Variants in MTFR1 observed in about 807,000 individuals in gnomAD.
MTFR1 encodes mitochondrial fission regulator 1.
In MTFR1, 28 loss-of-function variants were observed where a neutral mutation model predicts 38.8. That is an observed-to-expected ratio of 0.72 (90% CI 0.53 to 0.99). The LOEUF (loss-of-function observed/expected upper bound fraction) is 0.99. MTFR1 is among the 50% of genes least tolerant of loss of function. MTFR1 has a pLI of 0.00. For synonymous variants in MTFR1, 145 were observed against 137.0 expected, an observed-to-expected ratio of 1.06 and a Z score of -0.41; for missense variants, 358 against 395.5, an observed-to-expected ratio of 0.91 and a Z score of 0.81.
chr8:65,732,013 A>G (rs1307410942), intron 3 of MTFR1, among the ~76,000 whole-genome samples: 2 of 150,518 alleles, frequency 1.3e-5, no homozygotes, highest in East Asian at 1.9e-4. Context: ...TGTTGTTGTT[A>G]TTTTAGACTG....
intron 3 of MTFR1, among the ~76,000 whole-genome samples, chr8:65,762,673 G>A (rs1057171329): frequency 6.6e-6 from 1 of 152,086 alleles, no homozygotes; most frequent in South Asian, 2.1e-4. Context: ...AATAGACATG[G>A]TCATTATTAT....
intron 4 of MTFR1, among the ~76,000 whole-genome samples, chr8:65,698,692 C>G (rs1805519615): frequency 6.6e-6 from 1 of 151,518 alleles, no homozygotes; most frequent in South Asian, 2.1e-4. Flanking sequence ...TGATCCTCAC[C>G]TTCTACTCTC....
chr8:65,742,196 A>G (rs1056125550), intron 3 of MTFR1, among the ~76,000 whole-genome samples: 1 of 152,276 alleles, frequency 6.6e-6, no homozygotes, highest in African/African-American at 2.4e-5. Context: ...ACATAAAAAT[A>G]TATCAAAAGA....
Position 65,709,004 on chromosome 8 carries a change from G to A in MTFR1, c.962G>A (p.Gly321Glu). 4 of 1,613,932 alleles carry A rather than the reference G, an allele frequency of 2.5e-6. No homozygotes were observed. Among genetic ancestry groups the A allele is most frequent in the Non-Finnish European group, 3.4e-6 (4 of 1,179,872 alleles). The change falls in exon 8 of 8, where the codon GGA (glycine) becomes GAA (glutamate). Residue 321 changes from glycine to glutamate, a missense_variant. By Grantham distance (98) the Gly-to-Glu change is moderately conservative. Coordinates refer to ENST00000262146, the MANE Select transcript of MTFR1 (RefSeq NM_014637.4). ...GGGCCACACATGTTGAAGCCAACAG[G>A]AAAAATGAAGGCTTTAATTGAAAAT... ...LFGPHMLKPT[G>E]KMKALIENVS...
At chr8:65,753,183 C>T (rs956334667) in intron 3 of MTFR1, among the ~76,000 whole-genome samples, 1 of 152,180 alleles carries the variant, frequency 6.6e-6, no homozygotes, top group Admixed American at 6.5e-5. Flanking sequence ...CACTGTTTTA[C>T]TTAAATTATC....
intron 5 of MTFR1, among the ~76,000 whole-genome samples, chr8:65,705,724 A>G (rs1405903521): frequency 1.3e-5 from 2 of 152,216 alleles, no homozygotes; most frequent in African/African-American, 4.8e-5. Context: ...AATAGTACCT[A>G]TGTTACTGAG....
chr8:65,775,678 A>C (rs1265227902), downstream of MTFR1, among the ~76,000 whole-genome samples: 1 of 152,136 alleles, frequency 6.6e-6, no homozygotes, highest in Non-Finnish European at 1.5e-5. Context: ...CCAAGGCTTG[A>C]GTGAAGTGGT....
At chr8:65,757,186 G>C (rs1002461716) in intron 3 of MTFR1, among the ~76,000 whole-genome samples, 6 of 152,242 alleles carry the variant, frequency 3.9e-5, no homozygotes, top group Non-Finnish European at 5.9e-5. Flanking sequence ...GCAGACATTA[G>C]AGTCCTGCCT....
At chr8:65,770,850 G>A (rs1554564112) in intron 3 of MTFR1, 1 of 156,364 alleles carries the variant, frequency 6.4e-6, no homozygotes, top group Non-Finnish European at 1.4e-5. Flanking sequence ...AATTTGATAG[G>A]AATTTGTTTA....
chr8:65,655,687 A>C (rs1809234607), intron 1 of MTFR1, among the ~76,000 whole-genome samples: 1 of 151,742 alleles, frequency 6.6e-6, no homozygotes, highest in African/African-American at 2.4e-5. Context: ...CAGTGGCTAA[A>C]GGCTGTAATC....
At chr8:65,755,021 C>CT in intron 3 of MTFR1, among the ~76,000 whole-genome samples, 2 of 143,518 alleles carry the variant, frequency 1.4e-5, no homozygotes, top group African/African-American at 2.5e-5. Flanking sequence ...TTTTTTTTCA[C>CT]TTATTTTTTT....
chr8:65,745,101 T>C (rs1328402849), intron 3 of MTFR1, among the ~76,000 whole-genome samples: 1 of 152,162 alleles, frequency 6.6e-6, no homozygotes, highest in African/African-American at 2.4e-5. Flanking sequence ...TCATAAGGGG[T>C]TTCCCCTTTT....
intron 2 of MTFR1, among the ~76,000 whole-genome samples, chr8:65,670,475 G>A (rs1217684043): frequency 1.3e-5 from 2 of 152,174 alleles, no homozygotes; most frequent in African/African-American, 4.8e-5. Flanking sequence ...TATAATGATT[G>A]TTCTATGCTA....
chr8:65,726,997 A>G (rs1348505323), intron 3 of MTFR1: 1 of 1,223,362 alleles, frequency 8.2e-7, no homozygotes, highest in South Asian at 1.2e-5. Context: ...GAGTTACTTA[A>G]TGATACGTCT....
intron 1 of MTFR1, among the ~76,000 whole-genome samples, chr8:65,660,723 A>G (rs1809390122): frequency 6.6e-6 from 1 of 151,864 alleles, no homozygotes; most frequent in Non-Finnish European, 1.5e-5. Flanking sequence ...TCTCTGGAGA[A>G]CCCTGACTAA....
intron 3 of MTFR1, among the ~76,000 whole-genome samples, chr8:65,754,749 G>C (rs573889828): frequency 6.7e-6 from 1 of 150,308 alleles, no homozygotes; most frequent in Admixed American, 6.6e-5. Flanking sequence ...AGTGGATCAC[G>C]AGGTCAAGAG....
chr8:65,693,954 G>A (rs375441153), intron 4 of MTFR1, among the ~76,000 whole-genome samples, 195 bp downstream of exon 4: 1 of 151,922 alleles, frequency 6.6e-6, no homozygotes, highest in African/African-American at 2.4e-5. Flanking sequence ...TCAGGCTGGA[G>A]TGCAGTGGTG....
chr8:65,668,525 C>CTTTTTT (rs144265003), intron 1 of MTFR1, among the ~76,000 whole-genome samples: 1 of 127,026 alleles, frequency 7.9e-6, no homozygotes, highest in African/African-American at 2.9e-5. Context: ...TTTCTTTTTT[C>CTTTTTT]TTTTTTTTTT....
intron 1 of MTFR1, among the ~76,000 whole-genome samples, chr8:65,651,643 T>G (rs1446996710): frequency 6.6e-6 from 1 of 152,202 alleles, no homozygotes; most frequent in African/African-American, 2.4e-5. Context: ...TTCTCTACTC[T>G]GTTCCATTGG....
Sources: gnomAD v4.1 joint callset for allele counts (sites outside exome capture counted in the v4.1 genomes callset) on GRCh38, gnomAD v4.1.1 for gene constraint, MANE v1.5 for transcripts, NCBI Gene and HGNC (gene_info 2026-07-23, HGNC 2026-07-21) for gene names.